The following IAH1 variants were observed in gnomAD, a reference collection of about 807,000 sequenced individuals.
IAH1 encodes the protein isoamyl acetate-hydrolyzing esterase 1 homolog.
IAH1 carries 24 observed loss-of-function variants against 26.7 expected under a neutral mutation model. The ratio of observed to expected loss-of-function variants is 0.90; its 90% CI spans 0.65 to 1.26. The LOEUF is 1.26. Ranked by LOEUF, IAH1 falls within the 50% of genes most tolerant of loss-of-function variation. The pLI, the probability that IAH1 is intolerant of heterozygous loss-of-function variation, is 0.00. For synonymous variants in IAH1, 140 were observed against 118.5 expected (o/e 1.18, Z -1.18); for missense variants, 300 against 299.9 (o/e 1.00, Z 0.00).
At chr2:9,479,063 G>T (rs1660994947) in intron 3 of IAH1, among the ~76,000 whole-genome samples, 1 of 152,172 alleles carries the variant, frequency 6.6e-6, no homozygotes, top group Non-Finnish European at 1.5e-5. Flanking sequence ...CTGAGTTGAG[G>T]CTGGACATGA....
chr2:9,501,278 A>ACTTTAATCT (rs1662987551), downstream of IAH1, among the ~76,000 whole-genome samples: 1 of 152,196 alleles, frequency 6.6e-6, no homozygotes, highest in African/African-American at 2.4e-5. Context: ...ACAAGAGATT[A>ACTTTAATCT]CTTTATACTC....
downstream of IAH1, chr2:9,493,709 A>T: frequency 1.3e-6 from 2 of 1,551,110 alleles, no homozygotes; most frequent in Non-Finnish European, 8.9e-7. Flanking sequence ...ACAGAAATTG[A>T]CTCAGCTCTC....
At chr2:9,509,403 C>G in the IAH1 span, among the ~76,000 whole-genome samples, 1 of 152,200 alleles carries the variant, frequency 6.6e-6, no homozygotes, top group Non-Finnish European at 1.5e-5. Context: ...TATTCTCTAT[C>G]AGAAACCCCC....
chr2:9,504,716 C>T, the IAH1 span, among the ~76,000 whole-genome samples: 3 of 149,034 alleles, frequency 2.0e-5, no homozygotes, highest in South Asian at 2.1e-4. Context: ...AAGCCAAGAT[C>T]GCGCCACTGC....
chr2:9,474,968 G>A lies in IAH1; in HGVS notation c.81+321G>A. 9.3e-7 allele frequency: 1 copy of A among 1,080,196 alleles called. No individual in the cohort carries two copies. The highest frequency in any genetic ancestry group is 2.4e-5 in the South Asian group (1 of 41,614). The allele number at this position is 1,080,196 out of a possible 1,614,324, so 66.9% of individuals were successfully genotyped here. A position where few individuals can be genotyped will look rare whatever the true frequency, so the allele number is the denominator to read the frequency against. On this transcript the variant is annotated intron_variant, in intron 1 of 5. Coordinates refer to ENST00000497473, the MANE Select transcript of IAH1 (RefSeq NM_001039613.3). The surrounding 1 kb of genome is among the most constrained non-coding windows in gnomAD (Gnocchi z 4.3). Reference sequence around the variant, plus strand: ...GGTCTTCCCCTCAGCGCCCTCCTGGGCAGCGGCCTTTCCCCTCCGGGTCCG... The same window carrying A: ...GGTCTTCCCCTCAGCGCCCTCCTGGACAGCGGCCTTTCCCCTCCGGGTCCG...
In IAH1 at chr2:9,479,628, C is replaced by T. The variant is rs557089403; in HGVS notation, c.283+1258C>T. On this transcript the variant is annotated intron_variant, in intron 3 of 5. Coordinates refer to ENST00000497473, the MANE Select transcript of IAH1 (RefSeq NM_001039613.3). Reference sequence around the variant, plus strand: ...AGCAGTAATACTTACAGCTGACACGCATGAAATAAGATTGGAACTCTTACA... The same window carrying T: ...AGCAGTAATACTTACAGCTGACACGTATGAAATAAGATTGGAACTCTTACA... Among the ~76,000 whole-genome samples, 4 of 152,140 alleles carry T rather than the reference C, an allele frequency of 2.6e-5. No individual in the cohort carries two copies. In the East Asian group the frequency reaches 7.7e-4, roughly 29 times the overall value.
chr2:9,499,941 C>G (rs982037475), downstream of IAH1, among the ~76,000 whole-genome samples: 3 of 152,188 alleles, frequency 2.0e-5, no homozygotes, highest in Non-Finnish European at 4.4e-5. Context: ...AAGCTGGGAC[C>G]CTCATACAAT....
At chr2:9,475,943 C>T (rs200504827) in intron 1 of IAH1, 44 bp from the exon 2 acceptor site, 39 of 1,564,810 alleles carry the variant, frequency 2.5e-5, no homozygotes, top group Non-Finnish European at 6.2e-6. Context: ...CTGAGATGCC[C>T]GGTTACAGTC....
downstream of IAH1, among the ~76,000 whole-genome samples, chr2:9,492,222 C>T (rs1041553339): frequency 3.3e-5 from 5 of 152,204 alleles, no homozygotes; most frequent in Non-Finnish European, 7.3e-5. Flanking sequence ...CTGGGTGTGA[C>T]TTTCTCATCT....
intron 4 of IAH1, among the ~76,000 whole-genome samples, chr2:9,482,833 T>C (rs1482898306): frequency 6.6e-6 from 1 of 152,144 alleles, no homozygotes; most frequent in Non-Finnish European, 1.5e-5. Context: ...CGGGACGTGG[T>C]GACAGTAGGT....
In IAH1 at chr2:9,474,796, G is replaced by T; in HGVS notation, c.81+149G>T. ...CCCGTGGAGACACCGGAGGAGTGGC[G>T]GGTCCCCCAGTGGCTGCGCCTTCCG... is the stretch of plus-strand genomic sequence containing the variant. On this transcript the variant is annotated intron_variant, in intron 1 of 5. Coordinates refer to ENST00000497473, the MANE Select transcript of IAH1 (RefSeq NM_001039613.3). The surrounding 1 kb of genome is among the most constrained non-coding windows in gnomAD (Gnocchi z 4.3). 1 of 586,062 alleles carries T rather than the reference G, an allele frequency of 1.7e-6. No individual in the cohort carries two copies. The allele number at this position is 586,062 out of a possible 1,614,324, so 36.3% of individuals were successfully genotyped here.
At chr2:9,491,194 T>C, downstream of IAH1, 1 of 1,565,094 alleles carries the variant, frequency 6.4e-7, no homozygotes, top group Non-Finnish European at 8.8e-7. Context: ...CAAATACAAT[T>C]CAGTTAGTGA....
chr2:9,492,182 G>T (rs1307972580), downstream of IAH1, among the ~76,000 whole-genome samples: 1 of 152,222 alleles, frequency 6.6e-6, no homozygotes, highest in Non-Finnish European at 1.5e-5. Flanking sequence ...AGGCCACTAT[G>T]AAAGAGTTTG....
chr2:9,493,293 G>A (rs998289784), downstream of IAH1, among the ~76,000 whole-genome samples: 2 of 152,148 alleles, frequency 1.3e-5, no homozygotes, highest in Non-Finnish European at 2.9e-5. Flanking sequence ...AGAAGACAAA[G>A]TTTTTGTTAC....
At chr2:9,473,833 G>A (rs1012118192), upstream of IAH1, 1 of 152,252 alleles carries the variant, frequency 6.6e-6, no homozygotes, top group Non-Finnish European at 1.5e-5. Flanking sequence ...ACAGCTCCGT[G>A]ATTTCAAGGC....
the IAH1 span, among the ~76,000 whole-genome samples, chr2:9,502,521 C>T: frequency 1.3e-5 from 2 of 152,170 alleles, no homozygotes; most frequent in Non-Finnish European, 2.9e-5. Context: ...ACACAGCAAT[C>T]ACCTGTGAAA....
rs1661823349 is a variant in IAH1, at chr2:9,488,888, A to G, written c.*559A>G. Reference sequence around the variant, plus strand: ...ACAAGTTAAAATGTTTTGGCTGGTGAGCACATTTCAGTTCTTAGGGGAAAA... The same window carrying G: ...ACAAGTTAAAATGTTTTGGCTGGTGGGCACATTTCAGTTCTTAGGGGAAAA... On this transcript the variant is annotated 3_prime_UTR_variant, in exon 6 of 6. Transcript: ENST00000497473. 1 of 152,244 alleles carries G rather than the reference A, an allele frequency of 6.6e-6. No individual in the cohort carries two copies. Among genetic ancestry groups the G allele is most frequent in the African/African-American group, 2.4e-5 (1 of 41,460 alleles). 9.4% of individuals were successfully genotyped at this position (152,244 alleles called of 1,614,324 possible).
At chr2:9,501,269 CAA>C (rs1175071398), downstream of IAH1, among the ~76,000 whole-genome samples, 1 of 151,936 alleles carries the variant, frequency 6.6e-6, no homozygotes, top group Non-Finnish European at 1.5e-5. Context: ...AAAGTAAGAA[CAA>C]GAGATTACTT....
chr2:9,505,554 A>G, the IAH1 span: 1,792 of 605,342 alleles, frequency 3.0e-3, 15 homozygotes, highest in African/African-American at 0.029. Context: ...CTCCCTCCAT[A>G]GAATGCTAAA....
Sources: allele counts gnomAD v4.1 joint callset (sites outside exome capture counted in the v4.1 genomes callset), GRCh38; gene constraint gnomAD v4.1.1; non-coding constraint Gnocchi (gnomAD v3.1); transcripts MANE v1.5; gene names NCBI Gene and HGNC (gene_info 2026-07-23, HGNC 2026-07-21).